Variants in MINAR1 observed in about 807,000 individuals in gnomAD.
The protein encoded by MINAR1 is major intrinsically disordered Notch2-binding receptor 1.
In MINAR1, 40 loss-of-function variants were observed where a neutral mutation model predicts 65.1. The ratio of observed to expected loss-of-function variants is 0.61; its 90% CI spans 0.48 to 0.80. The LOEUF is 0.80. MINAR1 is among the 30% of genes least tolerant of loss of function. The probability of loss-of-function intolerance (pLI) is 0.00; values close to 1 mark genes in which losing one functional copy is unlikely to be tolerated. For missense variants in MINAR1, 1,128 were observed against 1,148.0 expected, an observed-to-expected ratio of 0.98 and a Z score of 0.25; for synonymous variants, 482 against 449.1, an observed-to-expected ratio of 1.07 and a Z score of -0.93.
intron 3 of MINAR1, among the ~76,000 whole-genome samples, chr15:79,466,459 A>G (rs1342313975): frequency 6.6e-6 from 1 of 152,210 alleles, no homozygotes; most frequent in Non-Finnish European, 1.5e-5. Flanking sequence ...GTTCCCATAA[A>G]TCTTTATTTT....
At chr15:79,453,918 G>C (rs1185148510) in intron 1 of MINAR1, among the ~76,000 whole-genome samples, 5 of 152,144 alleles carry the variant, frequency 3.3e-5, no homozygotes, top group Admixed American at 1.3e-4. Flanking sequence ...TGCATGGTAG[G>C]ACACACATGG....
chr15:79,450,438 G>A (rs1433379857), intron 1 of MINAR1, among the ~76,000 whole-genome samples: 2 of 152,012 alleles, frequency 1.3e-5, no homozygotes, highest in Middle Eastern at 3.4e-3. Context: ...TTGGATTGGC[G>A]GGCGACGAGA....
chr15:79,431,318 G>C (rs1199100625), upstream of MINAR1, among the ~76,000 whole-genome samples: 1 of 152,174 alleles, frequency 6.6e-6, no homozygotes, highest in East Asian at 1.9e-4. Context: ...GTTAACGTGA[G>C]CTTCCCCAGC....
intron 1 of MINAR1, among the ~76,000 whole-genome samples, chr15:79,440,517 C>T (rs1894841036): frequency 6.6e-6 from 1 of 152,204 alleles, no homozygotes. Flanking sequence ...TGAGTGTTCC[C>T]TGTCTTAGAA....
At chr15:79,421,000 A>G in the MINAR1 span, 1 of 152,200 alleles carries the variant, frequency 6.6e-6, no homozygotes, top group Non-Finnish European at 1.5e-5. Context: ...CACTCAGTTT[A>G]TCTTTTAGCA....
Position 79,458,122 on chromosome 15 carries a change from G to A in MINAR1, c.1975G>A (p.Ala659Thr), listed in dbSNP as rs2141296994. The change falls in exon 2 of 4, where the codon GCC becomes ACC. Residue 659 changes from alanine (A) to threonine (T), a missense_variant. Transcript: ENST00000305428. The stretch of plus-strand genomic sequence containing the variant: ...AAGCGAGGGTCCGTCTGATGACAGT[G>A]CCTCTCCCCGGATGTTCCACGCACA... ...LTSEGPSDDS[A>T]SPRMFHAHSG... 1.2e-6 allele frequency: 2 copies of A among 1,614,170 alleles called. No homozygotes were observed. Among genetic ancestry groups the A allele is most frequent in the African/African-American group, 1.3e-5 (1 of 75,038 alleles).
intron 1 of MINAR1, among the ~76,000 whole-genome samples, chr15:79,445,342 A>G (rs957494744): frequency 3.3e-5 from 5 of 152,168 alleles, no homozygotes; most frequent in African/African-American, 1.2e-4. Context: ...CAGGGTAATA[A>G]CTAATAAGTG....
upstream of MINAR1, among the ~76,000 whole-genome samples, chr15:79,430,814 G>A (rs1014337228): frequency 2.0e-5 from 3 of 152,180 alleles, no homozygotes; most frequent in African/African-American, 4.8e-5. Context: ...TTGTCAACAC[G>A]TATCACCCTG....
upstream of MINAR1, among the ~76,000 whole-genome samples, chr15:79,430,043 G>A (rs527891192): frequency 2.0e-5 from 3 of 152,264 alleles, no homozygotes; most frequent in South Asian, 4.2e-4. Context: ...AGCCAGGAGG[G>A]GAAAAGGGCA....
chr15:79,462,544 C>T (rs560398705), intron 2 of MINAR1, among the ~76,000 whole-genome samples: 1 of 152,336 alleles, frequency 6.6e-6, no homozygotes, highest in East Asian at 1.9e-4. Flanking sequence ...CTTTCTGACT[C>T]AGCTTCTTCC....
rs527537398 is a variant in MINAR1 at position 79,433,513 on chromosome 15, T to C, written c.-51+973T>C. Among the ~76,000 whole-genome samples, 4 of 152,318 alleles carry C rather than the reference T, an allele frequency of 2.6e-5. No individual in the cohort carries two copies. The East Asian group carries it at 5.8e-4, about 22-fold the overall frequency. On this transcript the variant is annotated intron_variant, in intron 1 of 3. Coordinates refer to ENST00000305428, the MANE Select transcript of MINAR1 (RefSeq NM_015206.3). ...AAAGGCTTCTCACCCATTTCTCTTGTGGATGGAGCCATGTGGTTGGGAGGT... is the reference window on the plus strand; with the variant it reads ...AAAGGCTTCTCACCCATTTCTCTTGCGGATGGAGCCATGTGGTTGGGAGGT...
chr15:79,436,251 C>A (rs1460591613), intron 1 of MINAR1, among the ~76,000 whole-genome samples: 2 of 152,216 alleles, frequency 1.3e-5, no homozygotes, highest in South Asian at 2.1e-4. Flanking sequence ...AACTTAGGAT[C>A]ATACTGGCTG....
In MINAR1 at chr15:79,436,471, T is replaced by C. The variant is rs888764969; in HGVS notation, c.-51+3931T>C. ...TGATGCACTGGCTATAATATGCTGA[T>C]TTCATAGTTTAGAGAGAAGCAAGTG... On this transcript the variant is annotated intron_variant, in intron 1 of 3. Transcript: ENST00000305428. Among the ~76,000 whole-genome samples, 5 of 152,330 alleles carry C rather than the reference T, an allele frequency of 3.3e-5. No individual in the cohort carries two copies. In the East Asian group the frequency reaches 9.6e-4, roughly 29 times the overall value.
chr15:79,458,296 A>G lies in MINAR1; in HGVS notation c.2149A>G (p.Ser717Gly), dbSNP rs548856566. 45 of 1,614,194 alleles carry G rather than the reference A, an allele frequency of 2.8e-5. No homozygotes were observed. The highest frequency in any genetic ancestry group is 1.8e-4 in the Admixed American group (11 of 60,018). ...PSSRSLTEEN[S>G]ATESKIASIS... ...CTCTAGGTCCCTAACAGAGGAGAAC[A>G]GTGCCACAGAGTCCAAAATTGCCAG... Residue 717 changes from serine to glycine, a missense_variant, in exon 2 of 4, where the codon AGT (serine) becomes GGT (glycine). Physicochemically the swap from Ser to Gly is moderately conservative, Grantham distance 56. Coordinates refer to ENST00000305428, the MANE Select transcript of MINAR1 (RefSeq NM_015206.3).
Position 79,458,166 on chromosome 15 carries a change from C to T in MINAR1, c.2019C>T (p.Pro673=), listed in dbSNP as rs775830157. Residue 673 remains proline (P), a synonymous_variant, in exon 2 of 4, where the codon CCC becomes CCT. Coordinates refer to ENST00000305428, the MANE Select transcript of MINAR1 (RefSeq NM_015206.3). ...ACGCACACAGTGGCTCCCACGGACC[C>T]AAACTAGAGAACAACCCTGACTGGT... ...MFHAHSGSHG[P]KLENNPDWCC... The T allele has an allele frequency of 1.2e-6, 2 of 1,614,134 alleles. No homozygotes were observed. Among genetic ancestry groups the T allele is most frequent in the Non-Finnish European group, 1.7e-6 (2 of 1,180,036 alleles).
chr15:79,449,603 G>A (rs771747762), intron 1 of MINAR1, among the ~76,000 whole-genome samples: 2 of 152,200 alleles, frequency 1.3e-5, no homozygotes, highest in South Asian at 2.1e-4. Context: ...AGCCCTTATG[G>A]CCTAATCACA....
intron 1 of MINAR1, among the ~76,000 whole-genome samples, chr15:79,440,108 G>A (rs1470282065): frequency 6.6e-6 from 1 of 152,068 alleles, no homozygotes; most frequent in Non-Finnish European, 1.5e-5. Flanking sequence ...CCAGTTAGCC[G>A]TCACTGCATC....
intron 2 of MINAR1, 64 bp from the exon 3 acceptor site, chr15:79,463,003 A>G: frequency 1.3e-6 from 2 of 1,554,716 alleles, no homozygotes; most frequent in East Asian, 2.3e-5. Context: ...TGGCTGCTCA[A>G]TTGCACTGTG....
At chr15:79,434,102 C>T (rs1894529521) in intron 1 of MINAR1, among the ~76,000 whole-genome samples, 1 of 152,180 alleles carries the variant, frequency 6.6e-6, no homozygotes, top group Non-Finnish European at 1.5e-5. Flanking sequence ...GTCTGAGAGA[C>T]TTGCATAGAT....
Sources: gnomAD v4.1 joint callset for allele counts (sites outside exome capture counted in the v4.1 genomes callset) on GRCh38, gnomAD v4.1.1 for gene constraint, MANE v1.5 for transcripts, NCBI Gene and HGNC (gene_info 2026-07-23, HGNC 2026-07-21) for gene names.